Variants in DENND5A observed in about 807,000 individuals in gnomAD.
The protein encoded by DENND5A is DENN domain containing 5A.
A neutral mutation model predicts 140.3 loss-of-function variants in DENND5A; 64 were observed. That is an observed-to-expected ratio of 0.46 (90% CI 0.37 to 0.56). The LOEUF (loss-of-function observed/expected upper bound fraction) is 0.56. Among genes scored for constraint, DENND5A ranks in the 20% least tolerant of loss-of-function variants. The pLI, the probability that DENND5A is intolerant of heterozygous loss-of-function variation, is 0.00. For synonymous variants in DENND5A, 605 were observed against 607.7 expected, an observed-to-expected ratio of 1.00 and a Z score of 0.07; for missense variants, 1,292 against 1,593.8, an observed-to-expected ratio of 0.81 and a Z score of 3.22.
chr11:9,237,303 C>G (rs2136265526), intron 1 of DENND5A, among the ~76,000 whole-genome samples: 1 of 152,102 alleles, frequency 6.6e-6, no homozygotes, highest in South Asian at 2.1e-4. Context: ...GCCTGTAATC[C>G]CAGCTACTTG....
intron 20 of DENND5A, chr11:9,143,118 G>A: frequency 1.7e-6 from 1 of 586,576 alleles, no homozygotes; most frequent in South Asian, 2.2e-5. Context: ...CACTATTCAA[G>A]GAGACCCAGG....
At chr11:9,211,015 A>C (rs1230309685) in intron 1 of DENND5A, among the ~76,000 whole-genome samples, 1 of 152,196 alleles carries the variant, frequency 6.6e-6, no homozygotes, top group Non-Finnish European at 1.5e-5. Context: ...GCTTGTCTGG[A>C]GAATTAAAAA....
rs1035854474 is a variant in DENND5A, at chr11:9,149,092, A to G, written c.2735+989T>C. Among the ~76,000 whole-genome samples the G allele has an allele frequency of 4.6e-5, 7 of 152,198 alleles. No homozygotes were observed. In the South Asian group the frequency reaches 1.2e-3, roughly 27 times the overall value. ...GTCACTGCAGACAAGTTAAGGAGAA[A>G]GAGTTTAGGCTCCCTATATGGGAGC... On this transcript the variant is annotated intron_variant, in intron 15 of 22. Coordinates refer to ENST00000328194, the MANE Select transcript of DENND5A (RefSeq NM_015213.4).
chr11:9,220,790 G>A (rs1196348264), intron 1 of DENND5A, among the ~76,000 whole-genome samples: 1 of 152,068 alleles, frequency 6.6e-6, no homozygotes, highest in Non-Finnish European at 1.5e-5. Context: ...CTACTGGGGA[G>A]GCTGAGGTAC....
intron 1 of DENND5A, among the ~76,000 whole-genome samples, chr11:9,228,286 T>C (rs1850618260): frequency 6.6e-6 from 1 of 151,992 alleles, no homozygotes; most frequent in African/African-American, 2.4e-5. Flanking sequence ...CTTAAGCTAA[T>C]AGCTTAAGGA....
At chr11:9,226,321 T>A (rs1386966592) in intron 1 of DENND5A, among the ~76,000 whole-genome samples, 1 of 152,206 alleles carries the variant, frequency 6.6e-6, no homozygotes, top group Non-Finnish European at 1.5e-5. Context: ...CCCTACGGTA[T>A]AATTTGTCTG....
At chr11:9,201,119 T>C (rs757152058) in intron 4 of DENND5A, among the ~76,000 whole-genome samples, 6 of 152,102 alleles carry the variant, frequency 3.9e-5, no homozygotes, top group Non-Finnish European at 8.8e-5. Context: ...TTCATTATGG[T>C]ATAATGCCAA....
intron 1 of DENND5A, among the ~76,000 whole-genome samples, chr11:9,257,919 A>G (rs1020312070): frequency 4.0e-5 from 6 of 151,222 alleles, no homozygotes; most frequent in African/African-American, 1.5e-4. Context: ...CAGCCTCCCG[A>G]GTAGCTGGGA....
intron 6 of DENND5A, among the ~76,000 whole-genome samples, chr11:9,179,530 G>A (rs565190655): frequency 7.6e-6 from 1 of 131,834 alleles, no homozygotes; most frequent in South Asian, 2.4e-4. Flanking sequence ...ACAGAGTTTC[G>A]CTCTTGTTGC....
chr11:9,222,777 A>G (rs1241153481), intron 1 of DENND5A, among the ~76,000 whole-genome samples: 1 of 152,236 alleles, frequency 6.6e-6, no homozygotes, highest in Admixed American at 6.5e-5. Context: ...CCCTGGATAC[A>G]GCCTTGACTG....
intron 11 of DENND5A, 115 bp from the exon 12 acceptor site, chr11:9,160,980 A>C (rs1847963752): frequency 1.0e-6 from 1 of 991,876 alleles, no homozygotes; most frequent in African/African-American, 1.6e-5. Flanking sequence ...GGACAGGATG[A>C]ATTAGCCCCA....
At chr11:9,231,727 A>AAAAAAAAAAAG (rs1389703595) in intron 1 of DENND5A, among the ~76,000 whole-genome samples, 1 of 151,160 alleles carries the variant, frequency 6.6e-6, no homozygotes, top group African/African-American at 2.4e-5. Context: ...AAAAAAAAAA[A>AAAAAAAAAAAG]AAAAAGACTC....
chr11:9,150,812 T>C (rs780475031), intron 13 of DENND5A, 48 bp from the exon 14 acceptor site: 8 of 1,258,810 alleles, frequency 6.4e-6, no homozygotes, highest in Admixed American at 5.3e-5. Flanking sequence ...AATATCCAAA[T>C]AGCTGACTGC....
intron 1 of DENND5A, among the ~76,000 whole-genome samples, chr11:9,260,823 T>C (rs1335383162): frequency 6.6e-6 from 1 of 152,152 alleles, no homozygotes; most frequent in Non-Finnish European, 1.5e-5. Context: ...TCTATGCTTA[T>C]TTGGGTTTTT....
intron 1 of DENND5A, among the ~76,000 whole-genome samples, chr11:9,256,402 G>A (rs1038343253): frequency 2.6e-5 from 4 of 152,144 alleles, no homozygotes; most frequent in Non-Finnish European, 5.9e-5. Flanking sequence ...GGAGGTTGCA[G>A]TGAGCCGAGA....
chr11:9,206,617 T>C, intron 3 of DENND5A, 56 bp downstream of exon 3: 1 of 1,289,846 alleles, frequency 7.8e-7, no homozygotes. Flanking sequence ...GAACTCACAA[T>C]CCTATTATAA....
intron 4 of DENND5A, among the ~76,000 whole-genome samples, chr11:9,201,852 T>C (rs942086452): frequency 6.6e-6 from 1 of 152,018 alleles, no homozygotes; most frequent in Non-Finnish European, 1.5e-5. Flanking sequence ...ACAGAATAAT[T>C]AGTTTCAAAG....
chr11:9,177,532 G>A (rs539378183), intron 8 of DENND5A, among the ~76,000 whole-genome samples: 12 of 151,936 alleles, frequency 7.9e-5, no homozygotes, highest in African/African-American at 2.9e-4. Flanking sequence ...GCACATGCCT[G>A]TAGTCCCAGT....
At chr11:9,197,565 C>T (rs972054166) in intron 4 of DENND5A, among the ~76,000 whole-genome samples, 6 of 151,506 alleles carry the variant, frequency 4.0e-5, no homozygotes, top group Admixed American at 1.3e-4. Context: ...TGTGGTTGCA[C>T]GTACCTGTAG....
Sources: allele counts gnomAD v4.1 joint callset (sites outside exome capture counted in the v4.1 genomes callset), GRCh38; gene constraint gnomAD v4.1.1; transcripts MANE v1.5; gene names NCBI Gene and HGNC (gene_info 2026-07-23, HGNC 2026-07-21).